UGT2B28: variants seen among roughly 807,000 people sequenced by gnomAD.
UGT2B28 encodes UDP-glucuronosyltransferase 2B28.
A neutral mutation model predicts 43.6 loss-of-function variants in UGT2B28; 45 were observed. That is an observed-to-expected ratio of 1.03 (90% CI 0.81 to 1.32). The LOEUF is 1.32. Among genes scored for constraint, UGT2B28 ranks in the 40% most tolerant of loss-of-function variants. The probability of loss-of-function intolerance (pLI) is 0.00; values close to 1 mark genes in which losing one functional copy is unlikely to be tolerated. For synonymous variants in UGT2B28, 204 were observed against 208.1 expected (o/e 0.98, Z 0.17); for missense variants, 649 against 625.5 (o/e 1.04, Z -0.40).
At position 69,293,889 on chromosome 4, in the gene UGT2B28, G is replaced by A. The variant is rs190774970; in HGVS notation, c.1311-641G>A. Among the ~76,000 whole-genome samples, 13 of 140,470 alleles carry A rather than the reference G, an allele frequency of 9.3e-5. 1 individual carries two copies. The East Asian group carries it at 2.3e-3, about 24-fold the overall frequency. The allele number at this position is 140,470 out of a possible 152,430, so 92.2% of individuals were successfully genotyped here. A position where few individuals can be genotyped will look rare whatever the true frequency, so the allele number is the denominator to read the frequency against. On this transcript the variant is annotated intron_variant, in intron 5 of 5. Transcript: ENST00000335568. ...ACTTTAATTTCAAAAAATCATTCTGGCTACAGGGTGGGAAACAGTAGGAAA... is the reference window on the plus strand; with the variant it reads ...ACTTTAATTTCAAAAAATCATTCTGACTACAGGGTGGGAAACAGTAGGAAA...
intron 1 of UGT2B28, among the ~76,000 whole-genome samples, chr4:69,281,597 C>T (rs544680010): frequency 7.1e-6 from 1 of 141,102 alleles, no homozygotes; most frequent in East Asian, 2.0e-4. Flanking sequence ...CATTTTTCTA[C>T]AACTATCTAT....
chr4:69,291,473 G>T (rs571537855), intron 5 of UGT2B28, among the ~76,000 whole-genome samples: 1 of 140,716 alleles, frequency 7.1e-6, no homozygotes, highest in South Asian at 2.4e-4. Flanking sequence ...AAACGGAATC[G>T]TACAGTCTCA....
In UGT2B28 at chr4:69,289,495, A is replaced by C. The variant is rs1402663955; in HGVS notation, c.1003-170A>C. Among the ~76,000 whole-genome samples, 4 of 141,228 alleles carry C rather than the reference A, an allele frequency of 2.8e-5. 1 individual carries two copies. Among genetic ancestry groups the C allele is most frequent in the Non-Finnish European group, 4.6e-5 (3 of 65,896 alleles). The allele number at this position is 141,228 out of a possible 152,430, so 92.7% of individuals were successfully genotyped here. A position where few individuals can be genotyped will look rare whatever the true frequency, so the allele number is the denominator to read the frequency against. On this transcript the variant is annotated intron_variant, in intron 3 of 5. Transcript: ENST00000335568. ...AAATAATGGTTTCTTATATATCTAA[A>C]TCATTATAAAAGTTAAGAAAATAAA...
At chr4:69,281,775 T>C (rs1723618467) in intron 1 of UGT2B28, among the ~76,000 whole-genome samples, 1 of 140,446 alleles carries the variant, frequency 7.1e-6, no homozygotes, top group African/African-American at 2.8e-5. Flanking sequence ...TCTATACTCC[T>C]TCACTAAAGA....
At chr4:69,290,959 C>G in intron 5 of UGT2B28, 148 bp downstream of exon 5, 1 of 1,157,346 alleles carries the variant, frequency 8.6e-7, no homozygotes, top group Non-Finnish European at 1.1e-6. Flanking sequence ...TGTTTTTTAT[C>G]TGTTATTTAA....
At chr4:69,290,859 T>G (rs1189702905) in intron 5 of UGT2B28, 48 bp downstream of exon 5, 2 of 1,524,426 alleles carry the variant, frequency 1.3e-6, no homozygotes, top group East Asian at 4.6e-5. Flanking sequence ...AGATAGCTTC[T>G]CTTTTCAATA....
At chr4:69,292,038 C>T (rs549527473) in intron 5 of UGT2B28, among the ~76,000 whole-genome samples, 8 of 139,970 alleles carry the variant, frequency 5.7e-5, no homozygotes, top group African/African-American at 8.4e-5. Flanking sequence ...TCTATTCCAA[C>T]GCTTGGAACA....
chr4:69,288,886 T>C (rs1402132212), intron 3 of UGT2B28, among the ~76,000 whole-genome samples: 4 of 140,616 alleles, frequency 2.8e-5, no homozygotes, highest in Non-Finnish European at 6.1e-5. Flanking sequence ...GCTAATGGCC[T>C]CCAGCTCCAT....
chr4:69,282,981 T>C (rs1048273095), intron 2 of UGT2B28, among the ~76,000 whole-genome samples: 1 of 140,374 alleles, frequency 7.1e-6, no homozygotes, highest in Admixed American at 7.2e-5. Context: ...AAAACACAAG[T>C]AAGTGCAGAA....
At chr4:69,289,773 T>C (rs1231040244) in intron 4 of UGT2B28, 21 bp downstream of exon 4, 1 of 1,506,812 alleles carries the variant, frequency 6.6e-7, no homozygotes. Flanking sequence ...GGTGAACAAA[T>C]ACTGGATATA....
At chr4:69,290,467 G>T in intron 4 of UGT2B28, 125 bp from the exon 5 acceptor site, 1 of 1,265,088 alleles carries the variant, frequency 7.9e-7, no homozygotes, top group Admixed American at 2.3e-5. Flanking sequence ...TTCCTCTGAA[G>T]TCTGAAAAGT....
At chr4:69,292,626 C>T (rs1723986329) in intron 5 of UGT2B28, among the ~76,000 whole-genome samples, 1 of 139,746 alleles carries the variant, frequency 7.2e-6, no homozygotes, top group Non-Finnish European at 1.5e-5. Context: ...AAATGATATA[C>T]AAACACATAT....
chr4:69,280,791 G>C lies in UGT2B28; in HGVS notation c.291G>C (p.Trp97Cys), dbSNP rs1385056351. 5.1e-6 allele frequency: 8 copies of C among 1,568,892 alleles called. 1 individual carries two copies. In the African/African-American group the frequency reaches 1.2e-4, roughly 23 times the overall value. Residue 97 changes from tryptophan (W) to cysteine (C), a missense_variant, in exon 1 of 6, where the codon TGG becomes TGC. Trp to Cys is a radical substitution (Grantham distance 215). Transcript: ENST00000335568. ...TCATCATGCAACAGGTTAAGAGATGGTCAGACATTCAAAAAGATAGCTTTT... is the reference window on the plus strand; with the variant it reads ...TCATCATGCAACAGGTTAAGAGATGCTCAGACATTCAAAAAGATAGCTTTT... ...ENIIMQQVKR[W>C]SDIQKDSFWL...
intron 2 of UGT2B28, among the ~76,000 whole-genome samples, chr4:69,285,178 T>C (rs1017366896): frequency 7.2e-6 from 1 of 139,820 alleles, no homozygotes; most frequent in Non-Finnish European, 1.5e-5. Flanking sequence ...TGAAATTTTC[T>C]AAATAAGTGT....
intron 2 of UGT2B28, among the ~76,000 whole-genome samples, 185 bp from the exon 3 acceptor site, chr4:69,286,567 C>T (rs1200438617): frequency 1.4e-5 from 2 of 140,032 alleles, no homozygotes; most frequent in Non-Finnish European, 3.0e-5. Context: ...ATATCCTTAA[C>T]AGAGGCCAAC....
rs1191096733 is a variant in UGT2B28 at position 69,294,634 on chromosome 4, G to T, written c.1415G>T (p.Gly472Val). The T allele has an allele frequency of 1.3e-6, 2 of 1,557,750 alleles. No individual in the cohort carries two copies. The highest frequency in any genetic ancestry group is 3.0e-5 in the African/African-American group (2 of 66,050). ...FWIEFVMCHK[G>V]AKHLRVAARD... ...ATTGAATTTGTGATGTGCCACAAAG[G>T]AGCCAAACACCTTCGAGTTGCAGCC... The change falls in exon 6 of 6, where the codon GGA (glycine) becomes GTA (valine). Residue 472 changes from glycine to valine, a missense_variant. Coordinates refer to ENST00000335568, the MANE Select transcript of UGT2B28 (RefSeq NM_053039.2).
chr4:69,282,429 C>A, intron 1 of UGT2B28, 85 bp from the exon 2 acceptor site: 1 of 1,373,622 alleles, frequency 7.3e-7, no homozygotes, highest in East Asian at 2.6e-5. Flanking sequence ...TACATCTTTG[C>A]CTACATAATT....
rs1391151689 is a variant in UGT2B28, at chr4:69,288,276, A to C, written c.1003-1389A>C. Among the ~76,000 whole-genome samples, 2 of 140,104 alleles carry C rather than the reference A, an allele frequency of 1.4e-5. 1 individual carries two copies. Among genetic ancestry groups the C allele is most frequent in the African/African-American group, 5.6e-5 (2 of 35,910 alleles). 91.9% of individuals were successfully genotyped at this position (140,104 alleles called of 152,430 possible). On this transcript the variant is annotated intron_variant, in intron 3 of 5. Transcript: ENST00000335568. Reference sequence around the variant, plus strand: ...TTGTAATTCCAATGAAGTTATACGTAAAACCTTGGCAGCATTTATTTATTT... The same window carrying C: ...TTGTAATTCCAATGAAGTTATACGTCAAACCTTGGCAGCATTTATTTATTT...
At position 69,292,216 on chromosome 4, in the gene UGT2B28, G is replaced by A. The variant is rs1254323733; in HGVS notation, c.1310+1405G>A. On this transcript the variant is annotated intron_variant, in intron 5 of 5. Transcript: ENST00000335568. ...ACAAAAAATATAATTTTAAGTTAAA[G>A]TTTTAATAATTGATTTTGTTCACAC... 1.4e-5 allele frequency among the ~76,000 whole-genome samples: 2 copies of A among 140,116 alleles called. 1 individual carries two copies. Among genetic ancestry groups the A allele is most frequent in the Non-Finnish European group, 3.0e-5 (2 of 65,604 alleles). The allele number at this position is 140,116 out of a possible 152,430, so 91.9% of individuals were successfully genotyped here. A position where few individuals can be genotyped will look rare whatever the true frequency, so the allele number is the denominator to read the frequency against.
Sources: gnomAD v4.1 joint callset for allele counts (sites outside exome capture counted in the v4.1 genomes callset) on GRCh38, gnomAD v4.1.1 for gene constraint, MANE v1.5 for transcripts, NCBI Gene and HGNC (gene_info 2026-07-23, HGNC 2026-07-21) for gene names.